SLC4A5: variants seen among roughly 807,000 people sequenced by gnomAD.
SLC4A5 encodes electrogenic sodium bicarbonate cotransporter 4.
In SLC4A5, 96 loss-of-function variants were observed where a neutral mutation model predicts 120.4. The ratio of observed to expected loss-of-function variants is 0.80; its 90% confidence interval spans 0.68 to 0.94. The LOEUF (loss-of-function observed/expected upper bound fraction) is 0.94. Among genes scored for constraint, SLC4A5 ranks in the 40% least tolerant of loss-of-function variants. The pLI is 0.00. For missense variants in SLC4A5, 1,259 were observed against 1,459.5 expected (o/e 0.86, Z 2.24); for synonymous variants, 550 against 571.1 (o/e 0.96, Z 0.53).
chr2:74,277,980 G>C (rs950034193), intron 8 of SLC4A5, among the ~76,000 whole-genome samples: 2 of 152,072 alleles, frequency 1.3e-5, no homozygotes, highest in African/African-American at 4.8e-5. Context: ...ATGAAACTTT[G>C]ATGAAGCTGG....
intron 13 of SLC4A5, 111 bp from the exon 14 acceptor site, chr2:74,254,817 ATTT>A (rs376191179): frequency 3.9e-3 from 2,315 of 598,964 alleles, no homozygotes; most frequent in Non-Finnish European, 4.2e-3. Flanking sequence ...AACAGTATGC[ATTT>A]TTTTTTTTTT....
intron 27 of SLC4A5, 78 bp from the exon 28 acceptor site, chr2:74,225,073 T>A: frequency 6.9e-7 from 1 of 1,443,734 alleles, no homozygotes; most frequent in Admixed American, 2.1e-5. Flanking sequence ...AGGCATAGAT[T>A]TTTTTCTCCC....
intron 7 of SLC4A5, chr2:74,290,378 T>A (rs1292630455): frequency 1.0e-6 from 1 of 985,162 alleles, no homozygotes; most frequent in Non-Finnish European, 1.2e-6. Context: ...TCACTTTTGT[T>A]TCCAGTTAAG....
At chr2:74,221,601 A>G in intron 29 of SLC4A5, 100 bp from the exon 30 acceptor site, 1 of 1,193,822 alleles carries the variant, frequency 8.4e-7, no homozygotes, top group Admixed American at 1.7e-5. Flanking sequence ...CTCTAACCCT[A>G]GAGCCAACAC....
exon 12 of SLC4A5, chr2:74,259,611 A>C (rs752504816): frequency 6.2e-7 from 1 of 1,614,168 alleles, no homozygotes. Flanking sequence ...GGGGTGAGAG[A>C]AATGTCATTC....
chr2:74,297,181 C>G (rs1672355620), intron 7 of SLC4A5, among the ~76,000 whole-genome samples: 1 of 151,082 alleles, frequency 6.6e-6, no homozygotes, highest in South Asian at 2.1e-4. Context: ...CAAATGCCCA[C>G]TTTAGAGGAA....
chr2:74,223,536 A>G (rs1382960828), intron 28 of SLC4A5, among the ~76,000 whole-genome samples: 1 of 152,232 alleles, frequency 6.6e-6, no homozygotes, highest in Non-Finnish European at 1.5e-5. Flanking sequence ...TCACTTGGGA[A>G]TGAACCTCAC....
chr2:74,260,070 T>C (rs2104025043), intron 11 of SLC4A5, among the ~76,000 whole-genome samples: 1 of 152,282 alleles, frequency 6.6e-6, no homozygotes, highest in African/African-American at 2.4e-5. Context: ...CCATGACCGG[T>C]GAGAGTCTTC....
At chr2:74,240,198 T>C (rs1670395549) in intron 20 of SLC4A5, among the ~76,000 whole-genome samples, 3 of 152,212 alleles carry the variant, frequency 2.0e-5, no homozygotes, top group Admixed American at 2.0e-4. Flanking sequence ...CCCTTCTGTC[T>C]ATGCTGTTCC....
At chr2:74,303,105 GGTGT>G (rs1261616160) in intron 7 of SLC4A5, among the ~76,000 whole-genome samples, 1 of 150,102 alleles carries the variant, frequency 6.7e-6, no homozygotes, top group Non-Finnish European at 1.5e-5. Context: ...CTGTGCATGT[GGTGT>G]GTGTGTGCGT....
chr2:74,248,494 C>A lies in SLC4A5; in HGVS notation c.1654-8G>T. On this transcript the variant is annotated splice_region_variant and splice_polypyrimidine_tract_variant and intron_variant, in intron 17 of 30. Coordinates refer to ENST00000394019, the Ensembl canonical transcript of SLC4A5. Reference sequence around the variant, plus strand: ...GAAGCTCTCCATCACTCCCTGGGGGCACAAGGAATGTGTGGTTCAGCATAG... The same window carrying A: ...GAAGCTCTCCATCACTCCCTGGGGGAACAAGGAATGTGTGGTTCAGCATAG... The A allele has an allele frequency of 1.2e-6, 2 of 1,613,618 alleles. No individual in the cohort carries two copies. Among genetic ancestry groups the A allele is most frequent in the Non-Finnish European group, 8.5e-7 (1 of 1,179,780 alleles).
At chr2:74,329,878 G>A (rs1048110571) in intron 4 of SLC4A5, among the ~76,000 whole-genome samples, 1 of 151,702 alleles carries the variant, frequency 6.6e-6, no homozygotes, top group Admixed American at 6.6e-5. Flanking sequence ...AGGTGGTGAG[G>A]TTTACATGGA....
chr2:74,227,578 A>ACCGGAGGG, intron 26 of SLC4A5: 1 of 1,592,252 alleles, frequency 6.3e-7, no homozygotes, highest in Non-Finnish European at 8.6e-7. Flanking sequence ...TAAAATGGGG[A>ACCGGAGGG]TCAGAGGACC....
chr2:74,242,140 C>A (rs775670378), intron 19 of SLC4A5, 88 bp from the exon 20 acceptor site: 213 of 1,261,312 alleles, frequency 1.7e-4, no homozygotes, highest in Non-Finnish European at 2.3e-4. Context: ...CCTTCCAGTT[C>A]CTTAGAGCCA....
chr2:74,296,479 T>C (rs1251513133), intron 7 of SLC4A5, among the ~76,000 whole-genome samples: 1 of 151,930 alleles, frequency 6.6e-6, no homozygotes, highest in South Asian at 2.1e-4. Context: ...AAGCCAATTG[T>C]CGGCCAGGCA....
At position 74,246,439 on chromosome 2, in the gene SLC4A5, G is replaced by A. The variant is rs150490688; in HGVS notation, c.2059+597C>T. 2.1e-3 allele frequency among the ~76,000 whole-genome samples: 325 copies of A among 152,304 alleles called. 9 individuals carry two copies. The highest frequency in any genetic ancestry group is 0.02 in the Admixed American group (300 of 15,302). On this transcript the variant is annotated intron_variant, in intron 19 of 30. Transcript: ENST00000394019. ...TCTACATCCTGTGGTTTCAGAGGGT[G>A]AACACAGCTCCTTTGTGACATGACA...
chr2:74,262,021 C>G (rs1671152371), intron 11 of SLC4A5, 116 bp downstream of exon 11: 2 of 904,046 alleles, frequency 2.2e-6, no homozygotes, highest in Non-Finnish European at 3.3e-6. Flanking sequence ...TGATGCATGC[C>G]CTGAGAATTC....
At chr2:74,227,354 G>A (rs1375113143) in intron 26 of SLC4A5, among the ~76,000 whole-genome samples, 1 of 152,202 alleles carries the variant, frequency 6.6e-6, no homozygotes, top group African/African-American at 2.4e-5. Context: ...CCTGGAGCTG[G>A]CCACAAAATG....
intron 18 of SLC4A5, 133 bp downstream of exon 18, chr2:74,248,220 C>A (rs1483706202): frequency 6.4e-6 from 8 of 1,244,862 alleles, no homozygotes; most frequent in Non-Finnish European, 7.8e-6. Flanking sequence ...ACCTGGTAGC[C>A]CTTCCCATAG....
Sources: allele counts gnomAD v4.1 joint callset (sites outside exome capture counted in the v4.1 genomes callset), GRCh38; gene constraint gnomAD v4.1.1; transcripts MANE v1.5; gene names NCBI Gene and HGNC (gene_info 2026-07-23, HGNC 2026-07-21).